The following VTA1 variants were observed in gnomAD, a reference collection of about 807,000 sequenced individuals.
VTA1 encodes vesicle trafficking 1.
In VTA1, 24 loss-of-function variants were observed where a neutral mutation model predicts 36.9. The observed-to-expected ratio is 0.65, with a 90% confidence interval of 0.47 to 0.91. VTA1 has a LOEUF of 0.91. VTA1 is among the 40% of genes least tolerant of loss of function. VTA1 has a pLI of 0.00. For synonymous variants in VTA1, 142 were observed against 130.2 expected (o/e 1.09, Z -0.62); for missense variants, 393 against 377.2 (o/e 1.04, Z -0.35).
intron 4 of VTA1, among the ~76,000 whole-genome samples, chr6:142,177,144 TGA>T (rs1236836478): frequency 3.3e-5 from 5 of 152,188 alleles, no homozygotes; most frequent in African/African-American, 2.4e-5. Context: ...TAGATAAATA[TGA>T]GAGTAGAGTT....
intron 6 of VTA1, among the ~76,000 whole-genome samples, chr6:142,199,086 C>T (rs1369628992): frequency 6.6e-6 from 1 of 151,468 alleles, no homozygotes; most frequent in Non-Finnish European, 1.5e-5. Context: ...GGCTTTGAGG[C>T]ATGAAATCTC....
intron 1 of VTA1, among the ~76,000 whole-genome samples, chr6:142,151,228 A>G (rs1248805391): frequency 2.6e-5 from 4 of 152,192 alleles, no homozygotes; most frequent in Admixed American, 6.5e-5. Flanking sequence ...AGGGACAGGG[A>G]TGTGGAGGGA....
chr6:142,186,177 G>A (rs890328880), intron 4 of VTA1, among the ~76,000 whole-genome samples: 1 of 152,020 alleles, frequency 6.6e-6, no homozygotes, highest in Non-Finnish European at 1.5e-5. Flanking sequence ...AGCTGGGTGA[G>A]GAAGAAAAAA....
In VTA1 at chr6:142,220,771, G is replaced by C. The variant is rs1186811590; in HGVS notation, c.*2128G>C. 6.6e-6 allele frequency: 1 copy of C among 151,922 alleles called. No homozygotes were observed. The highest frequency in any genetic ancestry group is 1.5e-5 in the Non-Finnish European group (1 of 68,010). 9.4% of individuals were successfully genotyped at this position (151,922 alleles called of 1,614,324 possible). A position where few individuals can be genotyped will look rare whatever the true frequency, so the allele number is the denominator to read the frequency against. ...AAAATAAAATTAGGAGATGTGTTCT[G>C]ATGTAACAGTAGGATTAGCAATTTT... On this transcript the variant is annotated 3_prime_UTR_variant, in exon 8 of 8. Coordinates refer to ENST00000367630, the MANE Select transcript of VTA1 (RefSeq NM_016485.5).
chr6:142,167,117 C>T lies in VTA1; in HGVS notation c.207+795C>T, dbSNP rs375107839. 3.1e-4 allele frequency among the ~76,000 whole-genome samples: 47 copies of T among 152,300 alleles called. No individual in the cohort carries two copies. In the South Asian group the frequency reaches 9.5e-3, roughly 31 times the overall value. On this transcript the variant is annotated intron_variant, in intron 2 of 7. Coordinates refer to ENST00000367630, the MANE Select transcript of VTA1 (RefSeq NM_016485.5). ...GGGCAAGATATTCTTATGGTTTAGGCATCCTTCCCTCCTAGCAGGAATGTC... is the reference window on the plus strand; with the variant it reads ...GGGCAAGATATTCTTATGGTTTAGGTATCCTTCCCTCCTAGCAGGAATGTC...
At chr6:142,198,769 A>C in intron 6 of VTA1, 154 bp downstream of exon 6, 1 of 692,454 alleles carries the variant, frequency 1.4e-6, no homozygotes, top group African/African-American at 1.8e-5. Flanking sequence ...AATTATTTTC[A>C]TTAAAATTTT....
At chr6:142,202,022 G>A (rs1353722019) in intron 6 of VTA1, among the ~76,000 whole-genome samples, 2 of 151,858 alleles carry the variant, frequency 1.3e-5, no homozygotes, top group Admixed American at 6.6e-5. Flanking sequence ...GACCATTAGA[G>A]TATAGTAGAT....
At chr6:142,148,842 A>G (rs1778510754) in intron 1 of VTA1, among the ~76,000 whole-genome samples, 1 of 152,140 alleles carries the variant, frequency 6.6e-6, no homozygotes, top group Non-Finnish European at 1.5e-5. Context: ...AGTATTCTCC[A>G]TAGAGGTTAT....
rs112730545 is a variant in VTA1, at chr6:142,171,238, G to A, written c.411+817G>A. Among the ~76,000 whole-genome samples, 48 of 152,224 alleles carry A rather than the reference G, an allele frequency of 3.2e-4. 1 individual carries two copies. The highest frequency in any genetic ancestry group is 1.7e-4 in the African/African-American group (7 of 41,532). ...GTCTCCCTAGTAGCTGGGATTACAGGCGGATGCCACGACACCCAGCTAATT... is the reference window on the plus strand; with the variant it reads ...GTCTCCCTAGTAGCTGGGATTACAGACGGATGCCACGACACCCAGCTAATT... On this transcript the variant is annotated intron_variant, in intron 4 of 7. Coordinates refer to ENST00000367630, the MANE Select transcript of VTA1 (RefSeq NM_016485.5).
chr6:142,167,647 C>T (rs988871084), intron 2 of VTA1, among the ~76,000 whole-genome samples: 1 of 152,180 alleles, frequency 6.6e-6, no homozygotes, highest in Non-Finnish European at 1.5e-5. Context: ...CAGTAGTGTT[C>T]TCTCTCACTT....
chr6:142,177,937 A>G (rs751468832), intron 4 of VTA1, among the ~76,000 whole-genome samples: 1 of 152,160 alleles, frequency 6.6e-6, no homozygotes, highest in Non-Finnish European at 1.5e-5. Flanking sequence ...GCATTAATGT[A>G]TTATTGCTAC....
At chr6:142,218,452 AC>A in intron 7 of VTA1, 45 bp from the exon 8 acceptor site, 1 of 1,596,460 alleles carries the variant, frequency 6.3e-7, no homozygotes, top group Non-Finnish European at 8.5e-7. Context: ...CTTACAGAAC[AC>A]TTTTTATATT....
intron 4 of VTA1, among the ~76,000 whole-genome samples, chr6:142,187,434 G>T (rs1369494244): frequency 6.6e-6 from 1 of 152,170 alleles, no homozygotes; most frequent in African/African-American, 2.4e-5. Context: ...TTCCTCAAAT[G>T]AACTGACAAC....
intron 2 of VTA1, among the ~76,000 whole-genome samples, chr6:142,166,995 A>G (rs190326061): frequency 1.3e-5 from 2 of 152,274 alleles, no homozygotes; most frequent in African/African-American, 4.8e-5. Context: ...AATATTTCTT[A>G]TAATAATGAA....
At chr6:142,207,580 G>A (rs993927373) in intron 7 of VTA1, among the ~76,000 whole-genome samples, 1 of 152,092 alleles carries the variant, frequency 6.6e-6, no homozygotes, top group African/African-American at 2.4e-5. Flanking sequence ...TAGAGCTGAG[G>A]CAAACCTGGG....
intron 4 of VTA1, among the ~76,000 whole-genome samples, chr6:142,181,900 A>G (rs1317209375): frequency 6.6e-6 from 1 of 152,230 alleles, no homozygotes; most frequent in African/African-American, 2.4e-5. Flanking sequence ...ATATCAGGAA[A>G]TACATGTAAT....
chr6:142,202,480 A>G (rs1775707357), intron 6 of VTA1, among the ~76,000 whole-genome samples: 1 of 152,006 alleles, frequency 6.6e-6, no homozygotes, highest in Non-Finnish European at 1.5e-5. Context: ...AGAGAATGGG[A>G]CACTATGGAA....
At position 142,170,383 on chromosome 6, in the gene VTA1, A is replaced by T; in HGVS notation, c.373A>T (p.Ile125Leu). ...IKSFYTASLL[I>L]DVITVFGELT... ...GTCCTTCTATACTGCAAGTCTTTTG[A>T]TAGATGTCATAACAGTATTTGGAGA... The change falls in exon 4 of 8, where the codon ATA becomes TTA. Residue 125 changes from isoleucine (I) to leucine (L), a missense_variant. Transcript: ENST00000367630. 6.2e-7 allele frequency: 1 copy of T among 1,608,678 alleles called. No individual in the cohort carries two copies. The highest frequency in any genetic ancestry group is 8.5e-7 in the Non-Finnish European group (1 of 1,177,780).
At chr6:142,173,028 G>A (rs1775057208) in intron 4 of VTA1, among the ~76,000 whole-genome samples, 2 of 151,898 alleles carry the variant, frequency 1.3e-5, no homozygotes, top group Admixed American at 1.3e-4. Context: ...TTGAGAGGTG[G>A]AAAACTGTAC....
Sources: allele counts gnomAD v4.1 joint callset (sites outside exome capture counted in the v4.1 genomes callset), GRCh38; gene constraint gnomAD v4.1.1; transcripts MANE v1.5; gene names NCBI Gene and HGNC (gene_info 2026-07-23, HGNC 2026-07-21).